The following DIAPH3 variants were observed in gnomAD, a reference collection of about 807,000 sequenced individuals.
The protein encoded by DIAPH3 is protein diaphanous homolog 3.
In DIAPH3, 117 loss-of-function variants were observed where a neutral mutation model predicts 144.3. The ratio of observed to expected loss-of-function variants is 0.81; its 90% CI spans 0.70 to 0.95. DIAPH3 has a LOEUF of 0.95. Ranked by LOEUF, DIAPH3 falls within the 40% of genes least tolerant of loss-of-function variation. The pLI is 0.00. For missense variants in DIAPH3, 1,421 were observed against 1,412.7 expected, an observed-to-expected ratio of 1.01 and a Z score of -0.09; for synonymous variants, 519 against 488.9, an observed-to-expected ratio of 1.06 and a Z score of -0.81.
intron 7 of DIAPH3, among the ~76,000 whole-genome samples, chr13:60,011,285 C>T (rs1164493214): frequency 6.6e-6 from 1 of 152,004 alleles, no homozygotes; most frequent in Non-Finnish European, 1.5e-5. Context: ...GATTTGCCAA[C>T]AGAAGCATAT....
chr13:60,160,531 T>C (rs1205214233), intron 1 of DIAPH3, among the ~76,000 whole-genome samples: 1 of 152,222 alleles, frequency 6.6e-6, no homozygotes, highest in Non-Finnish European at 1.5e-5. Context: ...CAGGTATTAC[T>C]GAAAGGCTTT....
chr13:60,071,637 T>C (rs2057211069), intron 4 of DIAPH3, among the ~76,000 whole-genome samples: 1 of 152,112 alleles, frequency 6.6e-6, no homozygotes, highest in Non-Finnish European at 1.5e-5. Context: ...TATCCTGAAA[T>C]CTGCTCCACT....
intron 27 of DIAPH3, among the ~76,000 whole-genome samples, chr13:59,674,366 G>C (rs1303813113): frequency 6.6e-6 from 1 of 152,144 alleles, no homozygotes; most frequent in Non-Finnish European, 1.5e-5. Context: ...CTTTCAGGCA[G>C]AGCCAGAGAC....
intron 20 of DIAPH3, among the ~76,000 whole-genome samples, chr13:59,904,791 C>T (rs543807653): frequency 3.9e-5 from 6 of 151,950 alleles, no homozygotes; most frequent in Admixed American, 1.3e-4. Flanking sequence ...AGAAAAATTG[C>T]AAATATTTAC....
chr13:59,997,672 C>T (rs891231972), intron 9 of DIAPH3, among the ~76,000 whole-genome samples: 1 of 152,038 alleles, frequency 6.6e-6, no homozygotes, highest in Non-Finnish European at 1.5e-5. Flanking sequence ...TGAGCCCCAT[C>T]CACGAGGACC....
At chr13:59,761,880 G>T (rs561742555) in intron 27 of DIAPH3, among the ~76,000 whole-genome samples, 1 of 152,000 alleles carries the variant, frequency 6.6e-6, no homozygotes, top group East Asian at 1.9e-4. Context: ...AGAGATTTCG[G>T]CTTCTGGTTA....
chr13:59,849,798 C>A (rs1400489830), intron 22 of DIAPH3, among the ~76,000 whole-genome samples: 1 of 101,370 alleles, frequency 9.9e-6, no homozygotes, highest in South Asian at 3.8e-4. Context: ...CTTGGCGATG[C>A]GGGCTCTTTT....
intron 24 of DIAPH3, among the ~76,000 whole-genome samples, chr13:59,812,260 C>G (rs201490936): frequency 0.21 from 6,299 of 30,202 alleles, 143 homozygotes; most frequent in Non-Finnish European, 0.25. Flanking sequence ...ATCCATCCAT[C>G]CATCCATCCA....
chr13:59,989,421 A>C (rs1410757435), intron 12 of DIAPH3, among the ~76,000 whole-genome samples: 1 of 151,900 alleles, frequency 6.6e-6, no homozygotes, highest in Non-Finnish European at 1.5e-5. Flanking sequence ...ATTAACAACA[A>C]CAATAATAAA....
rs1028558136 is a variant in DIAPH3, at chr13:59,898,488, A to G, written c.2367+13247T>C. The stretch of plus-strand genomic sequence containing the variant: ...TAACCCAGATTCAAGTCTCAGTACT[A>G]AGAACATATTGCCAGGCAAGCCTCA... On this transcript the variant is annotated intron_variant, in intron 20 of 27. Coordinates refer to ENST00000400324, the MANE Select transcript of DIAPH3 (RefSeq NM_001042517.2). 2.6e-5 allele frequency among the ~76,000 whole-genome samples: 4 copies of G among 152,234 alleles called. No homozygotes were observed. The South Asian group carries it at 8.3e-4, about 32-fold the overall frequency.
chr13:60,097,316 T>G (rs947603399), intron 3 of DIAPH3, among the ~76,000 whole-genome samples: 2 of 152,160 alleles, frequency 1.3e-5, no homozygotes, highest in Non-Finnish European at 2.9e-5. Context: ...ATGAATAGAT[T>G]AATGACCTTC....
At chr13:59,722,852 A>G (rs2035411838) in intron 27 of DIAPH3, among the ~76,000 whole-genome samples, 1 of 152,174 alleles carries the variant, frequency 6.6e-6, no homozygotes, top group South Asian at 2.1e-4. Flanking sequence ...CATGTAGCTC[A>G]TCAAAGCTTG....
intron 21 of DIAPH3, among the ~76,000 whole-genome samples, chr13:59,877,240 A>G (rs1438387708): frequency 6.6e-6 from 1 of 152,140 alleles, no homozygotes; most frequent in Admixed American, 6.6e-5. Context: ...GCCAGTAGCA[A>G]TATCTCCCAT....
At chr13:60,003,130 T>C (rs758321776) in intron 9 of DIAPH3, among the ~76,000 whole-genome samples, 1 of 152,154 alleles carries the variant, frequency 6.6e-6, no homozygotes, top group Non-Finnish European at 1.5e-5. Flanking sequence ...TGTCTGTCCC[T>C]GGTGTCACAA....
In DIAPH3 at chr13:59,908,393, A is replaced by AAAAAG. The variant is rs1555331342; in HGVS notation, c.2367+3341_2367+3342insCTTTT. On this transcript the variant is annotated intron_variant, in intron 20 of 27. Coordinates refer to ENST00000400324, the MANE Select transcript of DIAPH3 (RefSeq NM_001042517.2). ...TCAAAAAAAAAAAAAAAAAAAAAAA[A>AAAAAG]AGTAAGACATTTCCAGTATACAAAC... 1.4e-3 allele frequency among the ~76,000 whole-genome samples: 157 copies of AAAAAG among 111,236 alleles called. 2 individuals are homozygous for AAAAAG. Among genetic ancestry groups the AAAAAG allele is most frequent in the Non-Finnish European group, 1.9e-3 (110 of 56,568 alleles). 73.0% of individuals were successfully genotyped at this position (111,236 alleles called of 152,430 possible).
rs143377544 is a variant in DIAPH3, at chr13:59,853,662, G to A, written c.2737+7745C>T. 1.3e-3 allele frequency among the ~76,000 whole-genome samples: 197 copies of A among 152,072 alleles called. 1 individual carries two copies. The highest frequency in any genetic ancestry group is 4.6e-3 in the African/African-American group (189 of 41,484). Reference sequence around the variant, plus strand: ...AACCACTTTTCTTTATAAATTACTCGGTCTCAGGTAGCTCTTTGTAACTAT... The same window carrying A: ...AACCACTTTTCTTTATAAATTACTCAGTCTCAGGTAGCTCTTTGTAACTAT... On this transcript the variant is annotated intron_variant, in intron 22 of 27. Transcript: ENST00000400324.
chr13:60,012,953 A>G (rs145490458), intron 7 of DIAPH3: 8 of 960,398 alleles, frequency 8.3e-6, no homozygotes, highest in Non-Finnish European at 9.9e-6. Context: ...CTATAAATAC[A>G]GAATTGCTAC....
chr13:60,099,407 A>G (rs565091947), intron 3 of DIAPH3, among the ~76,000 whole-genome samples: 1 of 152,282 alleles, frequency 6.6e-6, no homozygotes, highest in Non-Finnish European at 1.5e-5. Context: ...TGGGATGCGA[A>G]AACACAAAGC....
chr13:59,846,048 G>C (rs1566404356), intron 22 of DIAPH3, among the ~76,000 whole-genome samples: 3 of 152,090 alleles, frequency 2.0e-5, no homozygotes, highest in Admixed American at 1.3e-4. Context: ...TTTCCTCCAA[G>C]TGTCTTATTA....
Sources: allele counts gnomAD v4.1 joint callset (sites outside exome capture counted in the v4.1 genomes callset), GRCh38; gene constraint gnomAD v4.1.1; transcripts MANE v1.5; gene names NCBI Gene and HGNC (gene_info 2026-07-23, HGNC 2026-07-21).